The following SP4 variants were observed in gnomAD, a reference collection of about 807,000 sequenced individuals.
SP4 encodes the protein Sp4 transcription factor.
Under a neutral mutation model 72.8 loss-of-function variants are expected in SP4, and 19 were observed. The ratio of observed to expected loss-of-function variants is 0.26; its 90% CI spans 0.18 to 0.38. SP4 has a LOEUF of 0.38. SP4 is among the 10% of genes least tolerant of loss of function. SP4 has a pLI of 1.00. For synonymous variants in SP4, 395 were observed against 333.1 expected (o/e 1.19, Z -2.02); for missense variants, 1,008 against 926.3 (o/e 1.09, Z -1.14).
chr7:21,472,231 C>T (rs775042494), intron 3 of SP4, among the ~76,000 whole-genome samples: 1 of 151,984 alleles, frequency 6.6e-6, no homozygotes, highest in Non-Finnish European at 1.5e-5. Flanking sequence ...AAGTCAGAAC[C>T]CTGGAGAGTG....
intron 5 of SP4, among the ~76,000 whole-genome samples, chr7:21,493,199 G>A (rs1392333526): frequency 6.8e-5 from 10 of 146,474 alleles, no homozygotes; most frequent in African/African-American, 5.0e-5. Flanking sequence ...GATTCCATGT[G>A]AAAAAAAAAA....
intron 5 of SP4, among the ~76,000 whole-genome samples, chr7:21,499,079 C>CAAA (rs34565680): frequency 1.5e-4 from 15 of 99,576 alleles, no homozygotes; most frequent in African/African-American, 5.0e-4. Flanking sequence ...GACTCTGTCT[C>CAAA]AAAAAAAAAA....
At chr7:21,440,328 C>G (rs1783201018) in intron 3 of SP4, among the ~76,000 whole-genome samples, 1 of 152,074 alleles carries the variant, frequency 6.6e-6, no homozygotes, top group African/African-American at 2.4e-5. Flanking sequence ...GTAAAGAAAA[C>G]TGTATGCAGG....
intron 3 of SP4, among the ~76,000 whole-genome samples, chr7:21,460,679 C>T (rs1339739971): frequency 2.0e-5 from 3 of 152,156 alleles, no homozygotes; most frequent in South Asian, 4.2e-4. Flanking sequence ...CTGATTGGTC[C>T]ATTTTGACAC....
At chr7:21,485,654 T>TA (rs1426097725) in intron 5 of SP4, among the ~76,000 whole-genome samples, 1 of 151,998 alleles carries the variant, frequency 6.6e-6, no homozygotes, top group Non-Finnish European at 1.5e-5. Context: ...TGAAAAACTG[T>TA]ATGCAGGCCA....
intron 3 of SP4, among the ~76,000 whole-genome samples, chr7:21,445,629 C>T (rs1783397857): frequency 6.6e-6 from 1 of 151,994 alleles, no homozygotes; most frequent in Admixed American, 6.6e-5. Flanking sequence ...TAGATTATTG[C>T]TGTTTTTAGT....
At chr7:21,486,249 T>G (rs1562619710) in intron 5 of SP4, among the ~76,000 whole-genome samples, 1 of 152,006 alleles carries the variant, frequency 6.6e-6, no homozygotes, top group East Asian at 1.9e-4. Context: ...ATTTTATACT[T>G]AGAGAAGAGT....
intron 5 of SP4, among the ~76,000 whole-genome samples, chr7:21,503,783 C>A (rs753227423): frequency 2.7e-4 from 41 of 152,178 alleles, no homozygotes; most frequent in Non-Finnish European, 4.1e-4. Flanking sequence ...GGAGGTCTTC[C>A]TGTTTTCTAA....
rs375245485 is a variant in SP4, at chr7:21,430,181, T to G, written c.1016T>G (p.Val339Gly). The G allele has an allele frequency of 1.9e-6, 3 of 1,614,180 alleles. No homozygotes were observed. The African/African-American group carries it at 4.0e-5, about 22-fold the overall frequency. Residue 339 changes from valine (V) to glycine (G), a missense_variant, in exon 3 of 6, where the codon GTG becomes GGG. Physicochemically the swap from Val to Gly is moderately radical, Grantham distance 109 (BLOSUM62 -3). This residue lies in a region of SP4 where 893 missense variants were observed against 743.3 expected (regional missense o/e 1.20). Transcript: ENST00000222584. The part of the protein sequence containing the change: ...STSLTSSDTL[V>G]SSADTGQYAS... Reference sequence around the variant, plus strand: ...TCTTTGACAAGCAGTGACACATTAGTGAGCTCAGCAGATACTGGCCAGTAT... The same window carrying G: ...TCTTTGACAAGCAGTGACACATTAGGGAGCTCAGCAGATACTGGCCAGTAT...
At chr7:21,492,542 T>C (rs192480286) in intron 5 of SP4, among the ~76,000 whole-genome samples, 28 of 152,152 alleles carry the variant, frequency 1.8e-4, no homozygotes, top group Admixed American at 3.3e-4. Context: ...GAAACACTTA[T>C]AGGCCCAAGC....
chr7:21,435,685 C>A (rs370289611), intron 3 of SP4, among the ~76,000 whole-genome samples: 3 of 151,994 alleles, frequency 2.0e-5, no homozygotes, highest in Non-Finnish European at 4.4e-5. Flanking sequence ...TCTTCTAATA[C>A]TGTTTGTTAT....
intron 5 of SP4, 57 bp downstream of exon 5, chr7:21,482,180 A>G (rs1159189067): frequency 7.3e-7 from 1 of 1,370,252 alleles, no homozygotes; most frequent in African/African-American, 1.4e-5. Context: ...TTACATGAAA[A>G]TTTTAGTGAT....
chr7:21,490,433 G>C (rs997324129), intron 5 of SP4, among the ~76,000 whole-genome samples: 1 of 152,110 alleles, frequency 6.6e-6, no homozygotes, highest in Non-Finnish European at 1.5e-5. Context: ...CTCTGGCTAG[G>C]GGAACTAGAA....
intron 3 of SP4, among the ~76,000 whole-genome samples, chr7:21,474,288 T>A (rs1031498373): frequency 6.6e-6 from 1 of 152,202 alleles, no homozygotes; most frequent in Admixed American, 6.5e-5. Flanking sequence ...ATAAATGTTA[T>A]GAGAAAAGTA....
intron 3 of SP4, among the ~76,000 whole-genome samples, chr7:21,457,062 CAT>C (rs1184416102): frequency 2.6e-5 from 4 of 152,232 alleles, no homozygotes; most frequent in African/African-American, 9.6e-5. Flanking sequence ...CACTGGGAAA[CAT>C]ATCTGAGTCA....
At chr7:21,458,130 CTTTAAATTA>C (rs1292011816) in intron 3 of SP4, among the ~76,000 whole-genome samples, 1 of 151,414 alleles carries the variant, frequency 6.6e-6, no homozygotes, top group Non-Finnish European at 1.5e-5. Context: ...CTGACCACGT[CTTTAAATTA>C]TTTAAATAAG....
chr7:21,503,728 C>G (rs1749891403), intron 5 of SP4, among the ~76,000 whole-genome samples: 1 of 152,190 alleles, frequency 6.6e-6, no homozygotes, highest in African/African-American at 2.4e-5. Flanking sequence ...CTACTTTGGG[C>G]ATTTCTGTGA....
chr7:21,428,440 A>G (rs1282863545), intron 1 of SP4, among the ~76,000 whole-genome samples, 182 bp downstream of exon 1: 5 of 151,938 alleles, frequency 3.3e-5, no homozygotes, highest in African/African-American at 1.2e-4. Context: ...TCTGAGAGAG[A>G]ACAACCTCCT....
rs1251781194 is a variant in SP4 at position 21,430,389 on chromosome 7, G to C, written c.1224G>C (p.Gln408His). 1.9e-6 allele frequency: 3 copies of C among 1,614,070 alleles called. No homozygotes were observed. Among genetic ancestry groups the C allele is most frequent in the African/African-American group, 2.7e-5 (2 of 74,922 alleles). ...IVGQPILQQIQIQQPQQQIIQ... is the reference protein window; with the variant it reads ...IVGQPILQQIHIQQPQQQIIQ... ...GCCAACCTATCTTACAGCAGATCCA[G>C]ATCCAACAGCCTCAGCAACAGATCA... Residue 408 changes from glutamine (Q) to histidine (H), a missense_variant, in exon 3 of 6, where the codon CAG becomes CAC. Physicochemically the swap from Gln to His is conservative, Grantham distance 24. Transcript: ENST00000222584.
Sources: gnomAD v4.1 joint callset for allele counts (sites outside exome capture counted in the v4.1 genomes callset) on GRCh38, gnomAD v4.1.1 for gene constraint, gnomAD v4.1.1 regional missense constraint, MANE v1.5 for transcripts, NCBI Gene and HGNC (gene_info 2026-07-23, HGNC 2026-07-21) for gene names.